MDGA2: variants seen among roughly 807,000 people sequenced by gnomAD.
MDGA2 encodes the protein MAM domain containing glycosylphosphatidylinositol anchor 2.
Under a neutral mutation model 117.8 loss-of-function variants are expected in MDGA2, and 40 were observed. The observed-to-expected ratio is 0.34, with a 90% CI of 0.26 to 0.44. The LOEUF (loss-of-function observed/expected upper bound fraction) is 0.44. Among genes scored for constraint, MDGA2 ranks in the 20% least tolerant of loss-of-function variants. The pLI, the probability that MDGA2 is intolerant of heterozygous loss-of-function variation, is 1.00. For synonymous variants in MDGA2, 452 were observed against 439.0 expected, an observed-to-expected ratio of 1.03 and a Z score of -0.37; for missense variants, 1,123 against 1,250.6, an observed-to-expected ratio of 0.90 and a Z score of 1.54.
In MDGA2 at chr14:47,037,335, GAA is replaced by G. The variant is rs375883274; in HGVS notation, c.1526-2033_1526-2032del. Among the ~76,000 whole-genome samples the G allele has an allele frequency of 1.6e-4, 24 of 152,226 alleles. No homozygotes were observed. The East Asian group carries it at 4.2e-3, about 27-fold the overall frequency. ...TAAAATAAACAATTAAGAACATTGA[GAA>G]TAACAGATAATAAATACTTCAATTT... On this transcript the variant is annotated intron_variant, in intron 7 of 16. Transcript: ENST00000399232.
At chr14:47,093,831 A>G (rs1461500241) in intron 6 of MDGA2, among the ~76,000 whole-genome samples, 1 of 152,084 alleles carries the variant, frequency 6.6e-6, no homozygotes, top group East Asian at 1.9e-4. Context: ...GGACATTCTT[A>G]AATGAGGATG....
At chr14:47,416,759 C>G (rs1005828317) in intron 1 of MDGA2, among the ~76,000 whole-genome samples, 8 of 152,136 alleles carry the variant, frequency 5.3e-5, no homozygotes, top group Admixed American at 1.3e-4. Flanking sequence ...CTGGAGAGAG[C>G]TTCTGCATCC....
chr14:47,272,803 C>T (rs1888189064), intron 2 of MDGA2, among the ~76,000 whole-genome samples: 1 of 152,146 alleles, frequency 6.6e-6, no homozygotes, highest in Non-Finnish European at 1.5e-5. Flanking sequence ...CCTATTAACA[C>T]CTTTCCATTT....
At chr14:47,437,037 A>G (rs1045522330) in intron 1 of MDGA2, among the ~76,000 whole-genome samples, 2 of 152,170 alleles carry the variant, frequency 1.3e-5, no homozygotes, top group African/African-American at 4.8e-5. Context: ...AGCTACTTAA[A>G]GAGCAGGCAC....
chr14:47,312,688 G>GTTT (rs1186421912), intron 1 of MDGA2, among the ~76,000 whole-genome samples: 48 of 104,262 alleles, frequency 4.6e-4, no homozygotes, highest in East Asian at 7.3e-4. Context: ...TTTTTTTTTT[G>GTTT]TTTTGTTTTG....
At chr14:47,219,165 G>C (rs1477775271) in intron 2 of MDGA2, among the ~76,000 whole-genome samples, 1 of 151,956 alleles carries the variant, frequency 6.6e-6, no homozygotes, top group Non-Finnish European at 1.5e-5. Flanking sequence ...CTGTGACATG[G>C]AAAATGAAAC....
intron 1 of MDGA2, chr14:47,626,245 T>G (rs564431804): frequency 6.6e-6 from 1 of 152,398 alleles, no homozygotes; most frequent in Admixed American, 6.5e-5. Context: ...ACTAATCATA[T>G]CATTAAAAAC....
chr14:47,138,916 T>C (rs544203540), intron 4 of MDGA2, among the ~76,000 whole-genome samples: 33 of 152,202 alleles, frequency 2.2e-4, no homozygotes, highest in African/African-American at 7.7e-4. Flanking sequence ...ATATCAGCTT[T>C]AGGAACACAG....
rs1351401024 is a variant in MDGA2 at position 46,841,099 on chromosome 14, G to A, written c.*832C>T. 6.6e-6 allele frequency: 1 copy of A among 152,536 alleles called. No homozygotes were observed. 9.4% of individuals were successfully genotyped at this position (152,536 alleles called of 1,614,324 possible). A position where few individuals can be genotyped will look rare whatever the true frequency, so the allele number is the denominator to read the frequency against. ...TCTGAGTTGAAAATTATTCAGGCTT[G>A]TTTCATTGAAGGCACTTGGTTTCCA... On this transcript the variant is annotated 3_prime_UTR_variant, in exon 17 of 17. Transcript: ENST00000399232.
intron 14 of MDGA2, among the ~76,000 whole-genome samples, chr14:46,863,867 G>T (rs1019743547): frequency 6.6e-6 from 1 of 152,054 alleles, no homozygotes; most frequent in Non-Finnish European, 1.5e-5. Context: ...TTACTAGCAG[G>T]TCTATAACAA....
intron 3 of MDGA2, among the ~76,000 whole-genome samples, chr14:47,177,097 A>G (rs1356726193): frequency 1.3e-5 from 2 of 151,786 alleles, no homozygotes; most frequent in Admixed American, 6.6e-5. Context: ...CAAAACCACA[A>G]TGAGATACCA....
intron 1 of MDGA2, among the ~76,000 whole-genome samples, chr14:47,568,854 C>T (rs919866187): frequency 1.3e-5 from 2 of 151,722 alleles, no homozygotes; most frequent in African/African-American, 4.8e-5. Context: ...TAAGTTTGCA[C>T]TGATGTTTAT....
intron 5 of MDGA2, among the ~76,000 whole-genome samples, chr14:47,117,129 A>G (rs1215235434): frequency 6.6e-6 from 1 of 152,162 alleles, no homozygotes; most frequent in Non-Finnish European, 1.5e-5. Flanking sequence ...TCCAAAGAAG[A>G]CACACAAATG....
At chr14:47,342,999 C>T (rs903550122) in intron 1 of MDGA2, 96 of 1,134,734 alleles carry the variant, frequency 8.5e-5, no homozygotes, top group Non-Finnish European at 1.1e-4. Context: ...CAGAATGCTA[C>T]CTCAGGGGAG....
At chr14:47,614,836 C>T (rs1303434169) in intron 1 of MDGA2, among the ~76,000 whole-genome samples, 1 of 152,154 alleles carries the variant, frequency 6.6e-6, no homozygotes, top group Admixed American at 6.5e-5. Context: ...TTACTTTTCT[C>T]TTCTATAATA....
intron 8 of MDGA2, among the ~76,000 whole-genome samples, chr14:46,969,018 G>C (rs112877927): frequency 0.12 from 17,981 of 152,032 alleles, 2,029 homozygotes; most frequent in African/African-American, 0.27. Context: ...ATTGTCCTTG[G>C]AATAGTTTGC....
intron 8 of MDGA2, among the ~76,000 whole-genome samples, chr14:47,033,550 T>C (rs1014662868): frequency 2.6e-5 from 4 of 152,174 alleles, no homozygotes; most frequent in African/African-American, 4.8e-5. Flanking sequence ...TTTTCTTTTT[T>C]TCTGAAACCT....
intron 14 of MDGA2, among the ~76,000 whole-genome samples, chr14:46,867,548 T>TA (rs1389453933): frequency 3.9e-5 from 6 of 152,014 alleles, no homozygotes; most frequent in African/African-American, 9.6e-5. Context: ...ATAATAATAA[T>TA]AAAAAAAGAG....
intron 2 of MDGA2, among the ~76,000 whole-genome samples, chr14:47,297,801 AATT>A (rs1250481608): frequency 6.6e-6 from 1 of 152,218 alleles, no homozygotes; most frequent in African/African-American, 2.4e-5. Flanking sequence ...AAATGCATGT[AATT>A]TAAAGCAGGA....
Sources: gnomAD v4.1 joint callset for allele counts (sites outside exome capture counted in the v4.1 genomes callset) on GRCh38, gnomAD v4.1.1 for gene constraint, MANE v1.5 for transcripts, NCBI Gene and HGNC (gene_info 2026-07-23, HGNC 2026-07-21) for gene names.